DISC1: variants seen among roughly 807,000 people sequenced by gnomAD.
DISC1 encodes the protein disrupted in schizophrenia 1 protein.
A neutral mutation model predicts 84.5 loss-of-function variants in DISC1; 57 were observed. The ratio of observed to expected loss-of-function variants is 0.67; its 90% CI spans 0.55 to 0.84. The LOEUF (loss-of-function observed/expected upper bound fraction) is 0.84. Among genes scored for constraint, DISC1 ranks in the 40% least tolerant of loss-of-function variants. DISC1 has a pLI of 0.00. For missense variants in DISC1, 1,000 were observed against 1,057.8 expected (o/e 0.95, Z 0.76); for synonymous variants, 411 against 415.2 (o/e 0.99, Z 0.12).
intron 3 of DISC1, among the ~76,000 whole-genome samples, chr1:231,707,872 C>T (rs188477597): frequency 1.3e-5 from 2 of 152,262 alleles, no homozygotes; most frequent in East Asian, 3.9e-4. Flanking sequence ...AGTCTAAAAT[C>T]CCTAACATCT....
chr1:232,004,406 T>A (rs892155798), intron 10 of DISC1, among the ~76,000 whole-genome samples: 10 of 148,910 alleles, frequency 6.7e-5, no homozygotes, highest in Admixed American at 2.0e-4. Context: ...AGTAATTTTT[T>A]AAATACTTTT....
intron 9 of DISC1, among the ~76,000 whole-genome samples, chr1:231,862,527 G>T (rs934116015): frequency 1.3e-5 from 2 of 152,150 alleles, no homozygotes; most frequent in Non-Finnish European, 2.9e-5. Flanking sequence ...GTCTTAAAAT[G>T]AAGTATCTGG....
Position 231,937,814 on chromosome 1 carries a change from T to G in DISC1, c.1982-21014T>G, listed in dbSNP as rs544821469. Among the ~76,000 whole-genome samples, 19 of 152,012 alleles carry G rather than the reference T, an allele frequency of 1.2e-4. No homozygotes were observed. In the East Asian group the frequency reaches 3.1e-3, roughly 25 times the overall value. On this transcript the variant is annotated intron_variant, in intron 9 of 12. Coordinates refer to ENST00000439617, the MANE Select transcript of DISC1 (RefSeq NM_018662.3). ...GGGATTCCTAAACATGCATGTATGT[T>G]TGCGTGTGTGCATGAAAGCAGCTGT...
intron 6 of DISC1, among the ~76,000 whole-genome samples, chr1:231,783,854 C>T (rs2077619766): frequency 2.0e-5 from 3 of 152,172 alleles, no homozygotes; most frequent in African/African-American, 7.2e-5. Flanking sequence ...AAATCTTTTC[C>T]AAGAAAAGAT....
At chr1:231,699,683 T>C (rs1419030101) in intron 2 of DISC1, among the ~76,000 whole-genome samples, 1 of 152,200 alleles carries the variant, frequency 6.6e-6, no homozygotes, top group Non-Finnish European at 1.5e-5. Context: ...CTGCTCTTAC[T>C]AACAGCAGCC....
chr1:232,011,673 TCTCTCTTGATTGTGGTGG>T (rs1668029036), intron 11 of DISC1, among the ~76,000 whole-genome samples: 1 of 152,102 alleles, frequency 6.6e-6, no homozygotes, highest in Admixed American at 6.5e-5. Context: ...AGAAGTATTC[TCTCTCTTGATTGTGGTGG>T]TAGTTACGTG....
chr1:231,940,649 G>A (rs2126129964), intron 9 of DISC1, among the ~76,000 whole-genome samples: 1 of 152,222 alleles, frequency 6.6e-6, no homozygotes, highest in African/African-American at 2.4e-5. Flanking sequence ...CTTTTAGGGT[G>A]TATTTGAGAG....
At chr1:231,762,747 T>C (rs200762307) in intron 4 of DISC1, among the ~76,000 whole-genome samples, 2 of 152,008 alleles carry the variant, frequency 1.3e-5, no homozygotes, top group Non-Finnish European at 2.9e-5. Context: ...ACAGCAAGCT[T>C]CTTGAGGATG....
intron 6 of DISC1, among the ~76,000 whole-genome samples, chr1:231,775,282 C>T (rs918587907): frequency 2.0e-5 from 3 of 152,180 alleles, no homozygotes; most frequent in Admixed American, 2.0e-4. Context: ...AAGAAACTTC[C>T]TAATAGCATG....
chr1:231,958,886 C>G lies in DISC1; in HGVS notation c.2040C>G (p.Cys680Trp), dbSNP rs1259778821. Residue 680 changes from cysteine to tryptophan, a missense_variant and splice_region_variant, in exon 10 of 13, where the codon TGC becomes TGG. By Grantham distance (215) the Cys-to-Trp change is radical. Coordinates refer to ENST00000439617, the MANE Select transcript of DISC1 (RefSeq NM_018662.3). Reference sequence around the variant, plus strand: ...TGGAAACACTTAAGAATAAACTGTGCAGGTAAGGATAATAATTTCTGTATT... The same window carrying G: ...TGGAAACACTTAAGAATAAACTGTGGAGGTAAGGATAATAATTTCTGTATT... ...KYMETLKNKL[C>W]SCKCPLLGKV... The G allele has an allele frequency of 1.2e-6, 2 of 1,612,572 alleles. No individual in the cohort carries two copies. The highest frequency in any genetic ancestry group is 3.3e-5 in the Admixed American group (2 of 59,866).
intron 3 of DISC1, among the ~76,000 whole-genome samples, chr1:231,746,333 GC>G (rs1368591772): frequency 6.6e-6 from 1 of 152,074 alleles, no homozygotes; most frequent in Non-Finnish European, 1.5e-5. Flanking sequence ...TACCACATTT[GC>G]TTTATCCATT....
intron 4 of DISC1, among the ~76,000 whole-genome samples, chr1:231,758,569 T>G (rs1012036944): frequency 3.9e-5 from 6 of 152,146 alleles, no homozygotes; most frequent in African/African-American, 1.4e-4. Flanking sequence ...ACTCCATCAT[T>G]AGAGATTCAG....
chr1:231,800,044 G>C, intron 7 of DISC1, 64 bp from the exon 8 acceptor site: 2 of 1,265,342 alleles, frequency 1.6e-6, no homozygotes, highest in East Asian at 2.3e-5. Flanking sequence ...TGACCTGGCT[G>C]TTCCACTGCC....
intron 10 of DISC1, among the ~76,000 whole-genome samples, chr1:231,960,134 A>G (rs1391798988): frequency 2.6e-5 from 4 of 152,210 alleles, no homozygotes; most frequent in Non-Finnish European, 4.4e-5. Context: ...TTTTAGCTAT[A>G]TAACTGGAGG....
chr1:231,790,703 A>G (rs2078275787), intron 6 of DISC1, among the ~76,000 whole-genome samples: 1 of 151,944 alleles, frequency 6.6e-6, no homozygotes, highest in Admixed American at 6.6e-5. Flanking sequence ...TATTTTTAGT[A>G]GAGACGGGGT....
intron 9 of DISC1, among the ~76,000 whole-genome samples, chr1:231,951,603 G>C (rs1658378177): frequency 6.6e-6 from 1 of 152,170 alleles, no homozygotes; most frequent in Non-Finnish European, 1.5e-5. Context: ...GACGCTCTGA[G>C]AATGACTGCT....
At chr1:231,887,139 C>T (rs143249383) in intron 9 of DISC1, among the ~76,000 whole-genome samples, 1,971 of 152,082 alleles carry the variant, frequency 0.013, 52 homozygotes, top group African/African-American at 0.045. Context: ...GGATTACAGG[C>T]GTGAGCCACC....
intron 6 of DISC1, among the ~76,000 whole-genome samples, chr1:231,788,597 A>G (rs1027748530): frequency 6.6e-6 from 1 of 152,230 alleles, no homozygotes; most frequent in Non-Finnish European, 1.5e-5. Context: ...ACACAATTCA[A>G]CACGTAATAT....
intron 9 of DISC1, among the ~76,000 whole-genome samples, chr1:231,842,668 T>G (rs1265039447): frequency 1.3e-5 from 2 of 152,120 alleles, no homozygotes; most frequent in Non-Finnish European, 2.9e-5. Flanking sequence ...GACACGTGAA[T>G]TCAGATCCTC....
Sources: gnomAD v4.1 joint callset for allele counts (sites outside exome capture counted in the v4.1 genomes callset) on GRCh38, gnomAD v4.1.1 for gene constraint, MANE v1.5 for transcripts, NCBI Gene and HGNC (gene_info 2026-07-23, HGNC 2026-07-21) for gene names.